EPM2A: variants seen among roughly 807,000 people sequenced by gnomAD.
EPM2A encodes the protein EPM2A glucan phosphatase, laforin, also known as laforin.
A neutral mutation model predicts 26.5 loss-of-function variants in EPM2A; 21 were observed. That is an observed-to-expected ratio of 0.79 (90% CI 0.56 to 1.14). EPM2A has a LOEUF of 1.14. Among genes scored for constraint, EPM2A ranks in the 50% most tolerant of loss-of-function variants. EPM2A has a pLI of 0.00. For synonymous variants in EPM2A, 217 were observed against 177.6 expected (o/e 1.22, Z -1.76); for missense variants, 458 against 440.8 (o/e 1.04, Z -0.35).
At chr6:145,682,742 T>A (rs1288845972) in intron 2 of EPM2A, 1 of 152,148 alleles carries the variant, frequency 6.6e-6, no homozygotes, top group African/African-American at 2.4e-5. Flanking sequence ...TTTTTAGATA[T>A]ATATGTTCTA....
At chr6:145,422,797 C>T (rs1355484826) in intron 4 of EPM2A, among the ~76,000 whole-genome samples, 2 of 151,964 alleles carry the variant, frequency 1.3e-5, no homozygotes, top group East Asian at 3.8e-4. Context: ...CCCTAAATTC[C>T]TCCTAAACTG....
At chr6:145,557,084 A>G (rs1231962749) in intron 2 of EPM2A, among the ~76,000 whole-genome samples, 1 of 152,144 alleles carries the variant, frequency 6.6e-6, no homozygotes, top group Non-Finnish European at 1.5e-5. Context: ...ATATTTCACT[A>G]TATACACACA....
chr6:145,670,962 G>T, intron 2 of EPM2A: 1 of 984,196 alleles, frequency 1.0e-6, no homozygotes, highest in Non-Finnish European at 1.2e-6. Flanking sequence ...CTTTCCTACT[G>T]ATATGAACAA....
chr6:145,477,432 C>T (rs1476958762), intron 4 of EPM2A, among the ~76,000 whole-genome samples: 1 of 151,718 alleles, frequency 6.6e-6, no homozygotes, highest in Non-Finnish European at 1.5e-5. Flanking sequence ...TTCTATGAGT[C>T]CAGTATTACC....
intron 2 of EPM2A, among the ~76,000 whole-genome samples, chr6:145,682,007 T>C (rs556359705): frequency 6.6e-6 from 1 of 152,282 alleles, no homozygotes; most frequent in South Asian, 2.1e-4. Flanking sequence ...CTCACACCTC[T>C]CTATATGTAC....
intron 2 of EPM2A, among the ~76,000 whole-genome samples, chr6:145,644,720 G>C (rs1159542069): frequency 6.6e-6 from 1 of 151,968 alleles, no homozygotes; most frequent in African/African-American, 2.4e-5. Context: ...AAATCCCTGG[G>C]AAGTTTTGCT....
intron 4 of EPM2A, among the ~76,000 whole-genome samples, chr6:145,447,721 A>C (rs872653): frequency 0.64 from 97,686 of 151,906 alleles, 32,928 homozygotes; most frequent in East Asian, 0.86. Flanking sequence ...AATCATCATA[A>C]ACTTCATTTT....
chr6:145,612,437 C>G (rs1775411085), intron 2 of EPM2A, among the ~76,000 whole-genome samples: 1 of 152,084 alleles, frequency 6.6e-6, no homozygotes, highest in South Asian at 2.1e-4. Context: ...CATGGTAACA[C>G]AAATTATCTT....
rs1780158519 is a variant in EPM2A at position 145,518,433 on chromosome 6, ACAT to A, written c.341-15861_341-15859del. Among the ~76,000 whole-genome samples, 3 of 152,224 alleles carry A rather than the reference ACAT, an allele frequency of 2.0e-5. No individual in the cohort carries two copies. The Middle Eastern group carries it at 0.01, about 518-fold the overall frequency. ...TCTGAGAAAGGATTAATCCATTTCA[ACAT>A]CAGCAGCAAGATGGACACTCCAGTA... On this transcript the variant is annotated intron_variant, in intron 2 of 3. Coordinates refer to the EPM2A transcript ENST00000450221.
At chr6:145,537,114 C>T (rs1231104183) in intron 2 of EPM2A, among the ~76,000 whole-genome samples, 1 of 152,182 alleles carries the variant, frequency 6.6e-6, no homozygotes, top group Non-Finnish European at 1.5e-5. Flanking sequence ...CCAACTGTTA[C>T]AGGAATTATT....
At chr6:145,534,240 G>A (rs140998581) in intron 2 of EPM2A, among the ~76,000 whole-genome samples, 12 of 146,984 alleles carry the variant, frequency 8.2e-5, no homozygotes, top group East Asian at 1.9e-4. Context: ...GTACTTCAGC[G>A]TACTTCACCT....
chr6:145,497,450 A>C (rs1388465922), downstream of EPM2A, among the ~76,000 whole-genome samples: 1 of 152,180 alleles, frequency 6.6e-6, no homozygotes, highest in Non-Finnish European at 1.5e-5. Context: ...ACATGTTGCC[A>C]GCCCAAATGC....
chr6:145,709,442 T>C (rs1346082818), intron 1 of EPM2A, among the ~76,000 whole-genome samples: 2 of 152,180 alleles, frequency 1.3e-5, no homozygotes, highest in African/African-American at 4.8e-5. Flanking sequence ...CGATATCTGA[T>C]GGTTTTATAA....
chr6:145,603,328 G>A (rs1781440779), intron 2 of EPM2A, among the ~76,000 whole-genome samples: 2 of 150,134 alleles, frequency 1.3e-5, no homozygotes, highest in South Asian at 4.2e-4. Context: ...CCTTCAACCT[G>A]CAAATTGTCA....
rs373925762 is a variant in EPM2A, at chr6:145,389,704, G to C, written c.556-5607C>G. ...TTATTTCTCAACCTTATTCTGTGAA[G>C]TTTCCTTGCTTGATAAGCAGTGAAG... is the stretch of plus-strand genomic sequence containing the variant. On this transcript the variant is annotated intron_variant, in intron 4 of 4. Transcript: ENST00000638717. Among the ~76,000 whole-genome samples, 34 of 152,244 alleles carry C rather than the reference G, an allele frequency of 2.2e-4. 1 individual carries two copies. In the South Asian group the frequency reaches 6.2e-3, roughly 28 times the overall value.
chr6:145,541,474 T>C lies in EPM2A; in HGVS notation c.341-38899A>G, dbSNP rs1442054832. On this transcript the variant is annotated intron_variant, in intron 2 of 3. Coordinates refer to the EPM2A transcript ENST00000450221. Reference sequence around the variant, plus strand: ...GAAATTTTCTCAAAGCAAATTTGTATGTAAACAATCTATGTTGTTCAACTT... The same window carrying C: ...GAAATTTTCTCAAAGCAAATTTGTACGTAAACAATCTATGTTGTTCAACTT... 2.0e-5 allele frequency among the ~76,000 whole-genome samples: 3 copies of C among 152,240 alleles called. 1 individual carries two copies. The highest frequency in any genetic ancestry group is 4.2e-4 in the South Asian group (2 of 4,818).
chr6:145,683,895 T>C (rs1278169574), intron 2 of EPM2A, among the ~76,000 whole-genome samples: 1 of 152,002 alleles, frequency 6.6e-6, no homozygotes, highest in Non-Finnish European at 1.5e-5. Context: ...ATCTTTCACA[T>C]AGTAAATATG....
At chr6:145,447,422 TTTCA>T (rs1321737182) in intron 4 of EPM2A, among the ~76,000 whole-genome samples, 1 of 152,030 alleles carries the variant, frequency 6.6e-6, no homozygotes, top group Non-Finnish European at 1.5e-5. Flanking sequence ...AGATTTGGAG[TTTCA>T]TTATCTCTCA....
chr6:145,385,535 G>T (rs1363021425), intron 4 of EPM2A, among the ~76,000 whole-genome samples: 1 of 152,042 alleles, frequency 6.6e-6, no homozygotes, highest in Non-Finnish European at 1.5e-5. Context: ...TGATTGATTT[G>T]TTTTTATGTT....
Sources: allele counts gnomAD v4.1 joint callset (sites outside exome capture counted in the v4.1 genomes callset), GRCh38; gene constraint gnomAD v4.1.1; transcripts MANE v1.5; gene names NCBI Gene and HGNC (gene_info 2026-07-23, HGNC 2026-07-21).